ABCC1: variants seen among roughly 807,000 people sequenced by gnomAD.
ABCC1 encodes the protein ATP binding cassette subfamily C member 1 (ABCC1 blood group), also known as multidrug resistance-associated protein 1.
Under a neutral mutation model 172.9 loss-of-function variants are expected in ABCC1, and 83 were observed. The observed-to-expected ratio is 0.48, with a 90% CI of 0.40 to 0.58. The LOEUF is 0.58. Ranked by LOEUF, ABCC1 falls within the 20% of genes least tolerant of loss-of-function variation. The pLI, the probability that ABCC1 is intolerant of heterozygous loss-of-function variation, is 0.00. For synonymous variants in ABCC1, 937 were observed against 825.2 expected (o/e 1.14, Z -2.32); for missense variants, 1,817 against 2,002.7 (o/e 0.91, Z 1.77).
chr16:16,127,866 G>A (rs55802107), intron 26 of ABCC1, among the ~76,000 whole-genome samples: 3,643 of 152,040 alleles, frequency 0.024, 65 homozygotes, highest in Middle Eastern at 0.044. Context: ...TTACACCGGC[G>A]GCTTCCAACT....
chr16:16,124,453 C>CTGTGTGTGTGTGTGTGTGTGTGTGT (rs1596540674), intron 24 of ABCC1, among the ~76,000 whole-genome samples: 1 of 150,084 alleles, frequency 6.7e-6, no homozygotes, highest in Non-Finnish European at 1.5e-5. Context: ...CTACGCCCGG[C>CTGTGTGTGTGTGTGTGTGTGTGTGT]CTATGTGTAT....
chr16:16,102,109 G>A (rs891827412), intron 19 of ABCC1, among the ~76,000 whole-genome samples: 1 of 152,188 alleles, frequency 6.6e-6, no homozygotes. Context: ...ACCTCTCTGT[G>A]GTCTAGGAAC....
At chr16:16,126,672 A>C (rs2045451583) in intron 26 of ABCC1, among the ~76,000 whole-genome samples, 1 of 152,212 alleles carries the variant, frequency 6.6e-6, no homozygotes. Flanking sequence ...GGCGTGAGCC[A>C]CTGCGCCTGG....
At chr16:16,014,979 A>G (rs1411552205) in intron 4 of ABCC1, among the ~76,000 whole-genome samples, 1 of 152,088 alleles carries the variant, frequency 6.6e-6, no homozygotes, top group African/African-American at 2.4e-5. Flanking sequence ...GATGGAGCCG[A>G]GCCGGGAACG....
intron 3 of ABCC1, among the ~76,000 whole-genome samples, chr16:16,014,092 G>C (rs1486612891): frequency 6.6e-6 from 1 of 152,170 alleles, no homozygotes; most frequent in African/African-American, 2.4e-5. Flanking sequence ...TGGCAAAGCT[G>C]AGTAGTTTTG....
At chr16:16,121,881 C>A in intron 23 of ABCC1, 94 bp from the exon 24 acceptor site, 1 of 1,371,594 alleles carries the variant, frequency 7.3e-7, no homozygotes, top group Non-Finnish European at 1.0e-6. Flanking sequence ...CTGGAGGTAT[C>A]GGTTACGTCT....
At chr16:16,001,954 G>A (rs1365696317) in intron 1 of ABCC1, among the ~76,000 whole-genome samples, 4 of 152,138 alleles carry the variant, frequency 2.6e-5, no homozygotes, top group African/African-American at 9.7e-5. Context: ...CTGGGCTCAT[G>A]GGATCCTCCC....
At chr16:16,043,062 C>T (rs921863680) in intron 7 of ABCC1, among the ~76,000 whole-genome samples, 1 of 151,474 alleles carries the variant, frequency 6.6e-6, no homozygotes, top group African/African-American at 2.4e-5. Flanking sequence ...AAGGTTTTGC[C>T]ATGTTGGTCA....
chr16:16,033,270 C>A, intron 6 of ABCC1, 100 bp downstream of exon 6: 1 of 1,175,694 alleles, frequency 8.5e-7, no homozygotes, highest in East Asian at 2.4e-5. Flanking sequence ...CAACTTCTCC[C>A]TCCTTTGCTC....
intron 19 of ABCC1, among the ~76,000 whole-genome samples, chr16:16,094,822 T>TC (rs1013075393): frequency 6.8e-6 from 1 of 146,838 alleles, no homozygotes; most frequent in African/African-American, 2.5e-5. Context: ...GCCTTTTTTT[T>TC]TTTTTTTTTT....
chr16:16,092,439 A>C (rs952802743), intron 19 of ABCC1, among the ~76,000 whole-genome samples: 1 of 152,102 alleles, frequency 6.6e-6, no homozygotes, highest in Non-Finnish European at 1.5e-5. Flanking sequence ...CTGTCTCTCT[A>C]GATTTGCTTA....
chr16:16,113,061 T>C (rs1294438561), intron 22 of ABCC1, among the ~76,000 whole-genome samples: 20 of 152,162 alleles, frequency 1.3e-4, no homozygotes, highest in Admixed American at 1.3e-3. Context: ...GAACACACAG[T>C]GCGCTCCTGT....
intron 5 of ABCC1, 24 bp from the exon 6 acceptor site, chr16:16,033,085 A>G (rs2048612555): frequency 6.2e-7 from 1 of 1,612,406 alleles, no homozygotes; most frequent in East Asian, 2.2e-5. Context: ...TCTTCCTCCC[A>G]AACCTGTGCT....
At chr16:16,124,596 G>A (rs1219457375) in intron 24 of ABCC1, among the ~76,000 whole-genome samples, 193 bp from the exon 25 acceptor site, 6 of 152,100 alleles carry the variant, frequency 3.9e-5, no homozygotes, top group Non-Finnish European at 7.3e-5. Context: ...TACTGGCCTC[G>A]TGCCTTCGGC....
intron 1 of ABCC1, among the ~76,000 whole-genome samples, chr16:15,954,408 G>T (rs1476234773): frequency 6.6e-6 from 1 of 152,124 alleles, no homozygotes; most frequent in Non-Finnish European, 1.5e-5. Context: ...AGTGGAAAGG[G>T]ATGTCAGATC....
intron 4 of ABCC1, among the ~76,000 whole-genome samples, chr16:16,015,029 T>C (rs996885138): frequency 1.3e-5 from 2 of 152,176 alleles, no homozygotes; most frequent in Non-Finnish European, 2.9e-5. Flanking sequence ...GACCCTAGGC[T>C]TGTCCTCGCG....
chr16:16,087,280 C>G (rs1349587237), intron 18 of ABCC1, among the ~76,000 whole-genome samples: 1 of 152,152 alleles, frequency 6.6e-6, no homozygotes, highest in African/African-American at 2.4e-5. Flanking sequence ...AGCGGGGAAT[C>G]CCACTCCAAG....
chr16:15,959,606 G>A (rs1337208882), intron 1 of ABCC1, among the ~76,000 whole-genome samples: 1 of 152,170 alleles, frequency 6.6e-6, no homozygotes, highest in Non-Finnish European at 1.5e-5. Context: ...GATTACAGGC[G>A]TGAGCCACCA....
chr16:15,964,386 C>A (rs2046200921), intron 1 of ABCC1, among the ~76,000 whole-genome samples: 1 of 152,156 alleles, frequency 6.6e-6, no homozygotes, highest in South Asian at 2.1e-4. Context: ...AGTCTCTTTG[C>A]TAAAGCATAG....
Sources: gnomAD v4.1 joint callset for allele counts (sites outside exome capture counted in the v4.1 genomes callset) on GRCh38, gnomAD v4.1.1 for gene constraint, MANE v1.5 for transcripts, NCBI Gene and HGNC (gene_info 2026-07-23, HGNC 2026-07-21) for gene names.